Variants in GRIP1 observed in about 807,000 individuals in gnomAD.
The protein encoded by GRIP1 is glutamate receptor-interacting protein 1.
A neutral mutation model predicts 129.9 loss-of-function variants in GRIP1; 45 were observed. The observed-to-expected ratio is 0.35, with a 90% CI of 0.27 to 0.44. GRIP1 has a LOEUF of 0.44. Ranked by LOEUF, GRIP1 falls within the 20% of genes least tolerant of loss-of-function variation. GRIP1 has a pLI of 1.00. For missense variants in GRIP1, 1,196 were observed against 1,396.8 expected (o/e 0.86, Z 2.29); for synonymous variants, 530 against 520.8 (o/e 1.02, Z -0.24).
At chr12:66,768,055 A>C (rs1007667519) in intron 1 of GRIP1, among the ~76,000 whole-genome samples, 37 of 152,198 alleles carry the variant, frequency 2.4e-4, no homozygotes, top group African/African-American at 8.2e-4. Context: ...TCCTTGAAGA[A>C]GCACTTTGAG....
chr12:66,889,646 T>C (rs1043089716), intron 1 of GRIP1, among the ~76,000 whole-genome samples: 1 of 152,228 alleles, frequency 6.6e-6, no homozygotes, highest in Non-Finnish European at 1.5e-5. Flanking sequence ...GCTAATTGAC[T>C]TCCAAATTTT....
intron 1 of GRIP1, among the ~76,000 whole-genome samples, chr12:66,697,174 C>A (rs948152614): frequency 5.3e-5 from 8 of 152,134 alleles, no homozygotes; most frequent in African/African-American, 1.9e-4. Context: ...CAACCATGAA[C>A]AAAAGGACTA....
intron 16 of GRIP1, among the ~76,000 whole-genome samples, chr12:66,398,358 T>C (rs2056870597): frequency 6.6e-6 from 1 of 151,952 alleles, no homozygotes. Flanking sequence ...GGTCACGCCA[T>C]TCTCCCCCAT....
At position 66,420,717 on chromosome 12, in the gene GRIP1, TA is replaced by T; in HGVS notation, c.1838+2del. ...AATGAATCAGAAAATCCATTTTCCT[TA>T]CCTGTGTGCCACACTCCCTTTCTTG... is the stretch of plus-strand genomic sequence containing the variant. On this transcript the variant is annotated splice_donor_variant, in intron 15 of 24. Transcript: ENST00000359742. LOFTEE classifies it high-confidence loss of function. 1 of 1,508,428 alleles carries T rather than the reference TA, an allele frequency of 6.6e-7. No homozygotes were observed. Among genetic ancestry groups the T allele is most frequent in the Non-Finnish European group, 9.2e-7 (1 of 1,082,912 alleles). The allele number at this position is 1,508,428 out of a possible 1,614,324, so 93.4% of individuals were successfully genotyped here. A position where few individuals can be genotyped will look rare whatever the true frequency, so the allele number is the denominator to read the frequency against.
chr12:66,797,060 GA>G (rs1276456164), intron 1 of GRIP1, among the ~76,000 whole-genome samples: 1 of 152,108 alleles, frequency 6.6e-6, no homozygotes, highest in African/African-American at 2.4e-5. Context: ...TTGGTTGTAA[GA>G]TTATGTAATA....
intron 1 of GRIP1, among the ~76,000 whole-genome samples, chr12:66,993,762 G>T (rs992936350): frequency 7.1e-6 from 1 of 141,064 alleles, no homozygotes; most frequent in Non-Finnish European, 1.5e-5. Context: ...CTGCACACCA[G>T]CCTGGACAAC....
At chr12:66,446,094 G>GCCCCCCCCCCC (rs1555185775) in intron 11 of GRIP1, among the ~76,000 whole-genome samples, 13 of 140,388 alleles carry the variant, frequency 9.3e-5, no homozygotes, top group South Asian at 2.3e-4. Flanking sequence ...CATTCCTCCT[G>GCCCCCCCCCCC]CCGCCCCCCA....
At chr12:66,581,162 C>T (rs1282200687) in intron 2 of GRIP1, among the ~76,000 whole-genome samples, 1 of 152,100 alleles carries the variant, frequency 6.6e-6, no homozygotes, top group African/African-American at 2.4e-5. Context: ...CTACTGGGTA[C>T]ATAACGAAAT....
intron 23 of GRIP1, among the ~76,000 whole-genome samples, chr12:66,363,523 T>C (rs1168347): frequency 0.44 from 67,054 of 150,882 alleles, 15,160 homozygotes; most frequent in East Asian, 0.52. Context: ...AGTATTGAGA[T>C]TACAGGTGTG....
At chr12:66,897,042 TTGCCAGCTGCG>T (rs1332104644) in intron 1 of GRIP1, among the ~76,000 whole-genome samples, 1 of 152,212 alleles carries the variant, frequency 6.6e-6, no homozygotes, top group Non-Finnish European at 1.5e-5. Context: ...GCTCAGCTGT[TTGCCAGCTGCG>T]TGCTCCTGGG....
intron 7 of GRIP1, among the ~76,000 whole-genome samples, chr12:66,497,766 G>A (rs995500605): frequency 6.6e-6 from 1 of 152,132 alleles, no homozygotes; most frequent in South Asian, 2.1e-4. Flanking sequence ...GAGAGTCAGG[G>A]AACTGTGTAC....
At chr12:66,528,119 C>T (rs2061319567) in intron 5 of GRIP1, among the ~76,000 whole-genome samples, 1 of 140,646 alleles carries the variant, frequency 7.1e-6, no homozygotes, top group Admixed American at 7.3e-5. Flanking sequence ...TAGAATTATA[C>T]TTTAGAATTA....
chr12:66,815,695 T>C (rs977124642), intron 1 of GRIP1, among the ~76,000 whole-genome samples: 22 of 151,948 alleles, frequency 1.4e-4, no homozygotes, highest in African/African-American at 5.3e-4. Context: ...GCTCGGGAAG[T>C]AGAGGCTGCA....
intron 2 of GRIP1, among the ~76,000 whole-genome samples, chr12:66,584,252 C>T (rs146548268): frequency 0.25 from 31,760 of 127,686 alleles, 2,895 homozygotes; most frequent in Admixed American, 0.3. Flanking sequence ...ACTCTGGGGA[C>T]TGTTGTGGGG....
intron 1 of GRIP1, among the ~76,000 whole-genome samples, chr12:66,598,361 A>C (rs2064138115): frequency 6.6e-6 from 1 of 152,196 alleles, no homozygotes; most frequent in East Asian, 1.9e-4. Context: ...GTTTATATTT[A>C]ATTTGTCACA....
chr12:66,473,424 C>G (rs1488258148), intron 7 of GRIP1, among the ~76,000 whole-genome samples: 1 of 152,218 alleles, frequency 6.6e-6, no homozygotes, highest in East Asian at 1.9e-4. Flanking sequence ...AATGTTCCTG[C>G]CTGCTGGCTC....
intron 4 of GRIP1, among the ~76,000 whole-genome samples, chr12:66,531,255 AT>A (rs1565833791): frequency 0.036 from 170 of 4,744 alleles, no homozygotes; most frequent in Non-Finnish European, 0.043. Flanking sequence ...AAAAAAAAAT[AT>A]ATATATATAT....
intron 1 of GRIP1, among the ~76,000 whole-genome samples, chr12:66,676,045 C>G (rs1392237912): frequency 6.6e-6 from 1 of 152,088 alleles, no homozygotes; most frequent in Non-Finnish European, 1.5e-5. Flanking sequence ...GATCCAAGGA[C>G]TTGTCTAGAA....
chr12:66,976,966 G>A (rs7489017), intron 1 of GRIP1, among the ~76,000 whole-genome samples: 85,615 of 151,958 alleles, frequency 0.56, 24,837 homozygotes, highest in Non-Finnish European at 0.62. Flanking sequence ...TTTGAGAAAC[G>A]AATTCTATGT....
Sources: allele counts gnomAD v4.1 joint callset (sites outside exome capture counted in the v4.1 genomes callset), GRCh38; gene constraint gnomAD v4.1.1; transcripts MANE v1.5; gene names NCBI Gene and HGNC (gene_info 2026-07-23, HGNC 2026-07-21).